The following CARMIL1 variants were observed in gnomAD, a reference collection of about 807,000 sequenced individuals.
CARMIL1 encodes the protein F-actin-uncapping protein LRRC16A.
A neutral mutation model predicts 177.1 loss-of-function variants in CARMIL1; 90 were observed. The ratio of observed to expected loss-of-function variants is 0.51; its 90% CI spans 0.43 to 0.61. The LOEUF (loss-of-function observed/expected upper bound fraction) is 0.61. CARMIL1 is among the 20% of genes least tolerant of loss of function. The pLI is 0.00. For synonymous variants in CARMIL1, 577 were observed against 606.2 expected, an observed-to-expected ratio of 0.95 and a Z score of 0.71; for missense variants, 1,380 against 1,667.0, an observed-to-expected ratio of 0.83 and a Z score of 3.00.
intron 2 of CARMIL1, among the ~76,000 whole-genome samples, chr6:25,373,392 C>G: frequency 8.1e-6 from 1 of 122,904 alleles, no homozygotes; most frequent in African/African-American, 3.0e-5. Flanking sequence ...TGGCCTTCGG[C>G]TTTTTTTTTT....
intron 36 of CARMIL1, among the ~76,000 whole-genome samples, chr6:25,611,213 T>A (rs1490483244): frequency 6.6e-6 from 1 of 152,218 alleles, no homozygotes; most frequent in Non-Finnish European, 1.5e-5. Flanking sequence ...ATTTGTTGGG[T>A]AGAAGCTTCA....
chr6:25,344,927 T>TA (rs1787341573), intron 2 of CARMIL1, among the ~76,000 whole-genome samples: 1 of 152,216 alleles, frequency 6.6e-6, no homozygotes, highest in Admixed American at 6.5e-5. Context: ...TCTTATTAAA[T>TA]AAAAACATCC....
intron 11 of CARMIL1, 154 bp downstream of exon 11, chr6:25,472,675 A>G (rs1262953165): frequency 1.7e-6 from 1 of 589,944 alleles, no homozygotes; most frequent in Non-Finnish European, 3.0e-6. Context: ...ACCCTTTCAT[A>G]TAAATGCTTA....
chr6:25,452,648 A>G (rs1799095087), intron 8 of CARMIL1: 1 of 153,510 alleles, frequency 6.5e-6, no homozygotes, highest in South Asian at 2.0e-4. Flanking sequence ...AAACAAAAAT[A>G]AATCAGCAAG....
At chr6:25,466,043 G>A (rs1347013905) in intron 9 of CARMIL1, 95 bp downstream of exon 9, 5 of 805,128 alleles carry the variant, frequency 6.2e-6, no homozygotes, top group Non-Finnish European at 1.1e-5. Context: ...TACTGTACTA[G>A]TAAGCTGTAT....
chr6:25,586,954 AAGAGGGAGAGAGACCGTGGAGAGAGAGGG>A (rs1166629150), intron 31 of CARMIL1, among the ~76,000 whole-genome samples: 6 of 145,970 alleles, frequency 4.1e-5, no homozygotes, highest in African/African-American at 1.5e-4. Flanking sequence ...GAGAGAGAGG[AAGAGGGAGAGAGACCGTGGAGAGAGAGGG>A]AGAGGGAGAC....
At chr6:25,381,445 T>C (rs541859986) in intron 2 of CARMIL1, among the ~76,000 whole-genome samples, 93 of 152,316 alleles carry the variant, frequency 6.1e-4, no homozygotes, top group Admixed American at 3.3e-3. Flanking sequence ...GATTATGGGC[T>C]TAGACCCACA....
chr6:25,301,465 T>G, intron 2 of CARMIL1, among the ~76,000 whole-genome samples: 1 of 152,112 alleles, frequency 6.6e-6, no homozygotes, highest in East Asian at 1.9e-4. Flanking sequence ...CTCATAGGGG[T>G]TCCTGTTTTG....
At chr6:25,313,803 C>T (rs767230144) in intron 2 of CARMIL1, among the ~76,000 whole-genome samples, 1 of 151,410 alleles carries the variant, frequency 6.6e-6, no homozygotes, top group Non-Finnish European at 1.5e-5. Flanking sequence ...TATAACATTC[C>T]CTCTCTGATG....
chr6:25,393,134 A>G (rs890598735), intron 2 of CARMIL1, among the ~76,000 whole-genome samples: 9 of 151,994 alleles, frequency 5.9e-5, no homozygotes, highest in Non-Finnish European at 1.0e-4. Context: ...TACGAATTGC[A>G]TGATCCTCAG....
chr6:25,398,820 G>C (rs1391532708), intron 2 of CARMIL1, among the ~76,000 whole-genome samples: 1 of 152,156 alleles, frequency 6.6e-6, no homozygotes, highest in East Asian at 1.9e-4. Context: ...AGCAAGGAGA[G>C]GCTCACCTCA....
chr6:25,581,404 A>G lies in CARMIL1; in HGVS notation c.2971A>G (p.Lys991Glu). The G allele has an allele frequency of 6.2e-7, 1 of 1,613,124 alleles. No homozygotes were observed. The highest frequency in any genetic ancestry group is 8.5e-7 in the Non-Finnish European group (1 of 1,179,536). The change falls in exon 31 of 37, where the codon AAA becomes GAA. Residue 991 changes from lysine (K) to glutamate (E), a missense_variant. Coordinates refer to ENST00000329474, the MANE Select transcript of CARMIL1 (RefSeq NM_017640.6). Reference sequence around the variant, plus strand: ...GGAACACTTTACCAAGTTAAGGCCAAAAAGGAATAAGAAGCAGCAACCCAC... The same window carrying G: ...GGAACACTTTACCAAGTTAAGGCCAGAAAGGAATAAGAAGCAGCAACCCAC... ...KLEHFTKLRP[K>E]RNKKQQPTQA...
At chr6:25,540,857 T>C (rs1808823312) in intron 26 of CARMIL1, among the ~76,000 whole-genome samples, 1 of 152,232 alleles carries the variant, frequency 6.6e-6, no homozygotes, top group Non-Finnish European at 1.5e-5. Flanking sequence ...GCATGTTAAT[T>C]ACTCTCTTTG....
intron 12 of CARMIL1, among the ~76,000 whole-genome samples, chr6:25,485,049 A>G (rs1214437998): frequency 6.6e-6 from 1 of 152,164 alleles, no homozygotes; most frequent in African/African-American, 2.4e-5. Flanking sequence ...AACGAAAACA[A>G]AAACAAAAAA....
intron 2 of CARMIL1, among the ~76,000 whole-genome samples, chr6:25,363,655 T>C (rs146999690): frequency 1.5e-3 from 228 of 152,286 alleles, no homozygotes; most frequent in African/African-American, 5.2e-3. Context: ...GCTTTTTAGG[T>C]GAGAGGATAA....
intron 3 of CARMIL1, among the ~76,000 whole-genome samples, chr6:25,422,025 A>ATAC (rs991973161): frequency 9.2e-5 from 14 of 152,026 alleles, no homozygotes; most frequent in Admixed American, 4.6e-4. Context: ...TATAATAATA[A>ATAC]TAAAATAAAA....
chr6:25,491,223 T>C (rs568158111), intron 13 of CARMIL1, among the ~76,000 whole-genome samples: 5 of 152,342 alleles, frequency 3.3e-5, no homozygotes, highest in African/African-American at 9.6e-5. Context: ...CTCATATTGC[T>C]GCCAAGCCAT....
intron 29 of CARMIL1, chr6:25,563,337 T>C: frequency 1.0e-6 from 1 of 985,380 alleles, no homozygotes; most frequent in Non-Finnish European, 1.2e-6. Context: ...AGGTTTCCTC[T>C]TTAATTTCTG....
At chr6:25,602,549 C>T (rs58936300) in intron 33 of CARMIL1, among the ~76,000 whole-genome samples, 2 of 152,094 alleles carry the variant, frequency 1.3e-5, no homozygotes, top group Non-Finnish European at 2.9e-5. Flanking sequence ...TTAGGGCTTA[C>T]ACAGTATTAA....
Sources: gnomAD v4.1 joint callset for allele counts (sites outside exome capture counted in the v4.1 genomes callset) on GRCh38, gnomAD v4.1.1 for gene constraint, MANE v1.5 for transcripts, NCBI Gene and HGNC (gene_info 2026-07-23, HGNC 2026-07-21) for gene names.